Variants in ABCC1 observed in about 807,000 individuals in gnomAD.
ABCC1 encodes multidrug resistance-associated protein 1.
In ABCC1, 83 loss-of-function variants were observed where a neutral mutation model predicts 172.9. The ratio of observed to expected loss-of-function variants is 0.48; its 90% CI spans 0.40 to 0.58. The LOEUF (loss-of-function observed/expected upper bound fraction) is 0.58. Ranked by LOEUF, ABCC1 falls within the 20% of genes least tolerant of loss-of-function variation. The pLI, the probability that ABCC1 is intolerant of heterozygous loss-of-function variation, is 0.00. For synonymous variants in ABCC1, 937 were observed against 825.2 expected (o/e 1.14, Z -2.32); for missense variants, 1,817 against 2,002.7 (o/e 0.91, Z 1.77).
chr16:16,062,757 T>C (rs2049969641), intron 12 of ABCC1, among the ~76,000 whole-genome samples: 1 of 152,254 alleles, frequency 6.6e-6, no homozygotes, highest in South Asian at 2.1e-4. Context: ...TCAAAGACGA[T>C]GAGGTGTTTA....
At chr16:15,990,052 A>AT (rs1469624870) in intron 1 of ABCC1, among the ~76,000 whole-genome samples, 27 of 148,732 alleles carry the variant, frequency 1.8e-4, no homozygotes, top group African/African-American at 5.5e-4. Flanking sequence ...CCATTCAGCA[A>AT]TTTTTTTTTG....
intron 23 of ABCC1, among the ~76,000 whole-genome samples, chr16:16,115,855 TA>T (rs892854043): frequency 6.6e-6 from 1 of 151,942 alleles, no homozygotes; most frequent in African/African-American, 2.4e-5. Flanking sequence ...TTTAAAAATT[TA>T]AAAAATCTTA....
intron 20 of ABCC1, among the ~76,000 whole-genome samples, chr16:16,103,979 G>A (rs559967530): frequency 1.3e-4 from 20 of 152,188 alleles, no homozygotes; most frequent in Admixed American, 4.6e-4. Flanking sequence ...TCGTGGTCTC[G>A]CTGGCCTCAG....
chr16:16,048,039 A>T, intron 9 of ABCC1, 103 bp from the exon 10 acceptor site: 2 of 1,414,572 alleles, frequency 1.4e-6, no homozygotes, highest in South Asian at 2.6e-5. Context: ...GATCTGCGGC[A>T]TTTCTGCCCC....
rs1319994715 is a variant in ABCC1, at chr16:16,007,924, T to G, written c.157T>G (p.Tyr53Asp). ...CFYLWACFPF[Y>D]FLYLSRHDRG... ...TTACCTCTGGGCCTGTTTCCCCTTC[T>G]ACTTCCTCTATCTCTCCCGACATGA... is the stretch of plus-strand genomic sequence containing the variant. The change falls in exon 2 of 31, where the codon TAC becomes GAC. Residue 53 changes from tyrosine to aspartate, a missense_variant. Coordinates refer to ENST00000399410, the MANE Select transcript of ABCC1 (RefSeq NM_004996.4). 1.2e-6 allele frequency: 2 copies of G among 1,612,098 alleles called. No individual in the cohort carries two copies. Among genetic ancestry groups the G allele is most frequent in the South Asian group, 1.1e-5 (1 of 90,786 alleles).
chr16:16,036,854 C>T (rs1460322833), intron 7 of ABCC1, among the ~76,000 whole-genome samples: 1 of 152,128 alleles, frequency 6.6e-6, no homozygotes, highest in African/African-American at 2.4e-5. Flanking sequence ...GTGTCTAATC[C>T]CAGCACTTTG....
chr16:16,010,863 C>T (rs45610332), intron 3 of ABCC1, among the ~76,000 whole-genome samples: 1 of 152,104 alleles, frequency 6.6e-6, no homozygotes, highest in Non-Finnish European at 1.5e-5. Context: ...AGATGCCATG[C>T]TTTTAGCCCC....
intron 7 of ABCC1, among the ~76,000 whole-genome samples, chr16:16,042,374 T>C (rs1006209822): frequency 1.3e-5 from 2 of 152,046 alleles, no homozygotes; most frequent in African/African-American, 4.8e-5. Flanking sequence ...ACCAGTTATG[T>C]ACATCTGCAC....
chr16:16,100,598 C>G (rs2051689817), intron 19 of ABCC1, among the ~76,000 whole-genome samples: 1 of 152,130 alleles, frequency 6.6e-6, no homozygotes, highest in Admixed American at 6.6e-5. Context: ...TTAGTTTAGA[C>G]AAAACAAAAC....
At chr16:16,065,303 C>G (rs932045389) in intron 12 of ABCC1, among the ~76,000 whole-genome samples, 2 of 152,114 alleles carry the variant, frequency 1.3e-5, no homozygotes, top group Non-Finnish European at 2.9e-5. Flanking sequence ...CACTCTGTTA[C>G]CCAGGCTGGT....
At chr16:15,980,919 A>T (rs1033373327) in intron 1 of ABCC1, among the ~76,000 whole-genome samples, 5 of 152,216 alleles carry the variant, frequency 3.3e-5, no homozygotes, top group African/African-American at 1.2e-4. Flanking sequence ...TCCTAGATAC[A>T]ATAGGAGTAC....
chr16:15,972,266 G>A (rs778532898), intron 1 of ABCC1, among the ~76,000 whole-genome samples: 3 of 152,124 alleles, frequency 2.0e-5, no homozygotes, highest in Non-Finnish European at 4.4e-5. Flanking sequence ...TAGTCTTCAG[G>A]ATTTTGACAT....
chr16:16,104,977 C>G (rs7196296), intron 20 of ABCC1, among the ~76,000 whole-genome samples: 121,094 of 151,880 alleles, frequency 0.8, 48,462 homozygotes, highest in Non-Finnish European at 0.83. Flanking sequence ...CGCAAGCGCC[C>G]TGTGCAGCTC....
At chr16:16,091,719 C>T (rs1484627998) in intron 19 of ABCC1, among the ~76,000 whole-genome samples, 1 of 152,172 alleles carries the variant, frequency 6.6e-6, no homozygotes, top group African/African-American at 2.4e-5. Flanking sequence ...AAGAGGTCAG[C>T]ACAGTGATTG....
intron 24 of ABCC1, among the ~76,000 whole-genome samples, chr16:16,123,413 TCA>T (rs1378313919): frequency 1.3e-5 from 2 of 151,970 alleles, no homozygotes; most frequent in Non-Finnish European, 2.9e-5. Flanking sequence ...AGTGGGTGGA[TCA>T]CCTGAGGTCA....
At chr16:16,124,116 C>G (rs886990577) in intron 24 of ABCC1, among the ~76,000 whole-genome samples, 1 of 152,112 alleles carries the variant, frequency 6.6e-6, no homozygotes, top group Non-Finnish European at 1.5e-5. Context: ...GGCTTGGGAA[C>G]GTTACAATGA....
intron 20 of ABCC1, among the ~76,000 whole-genome samples, chr16:16,104,741 G>C (rs1056233239): frequency 1.3e-5 from 2 of 152,126 alleles, no homozygotes; most frequent in African/African-American, 4.8e-5. Flanking sequence ...CGGGAGGCTC[G>C]GGCCGCGCAG....
intron 1 of ABCC1, among the ~76,000 whole-genome samples, chr16:15,996,866 C>CT (rs2047073432): frequency 6.6e-6 from 1 of 152,130 alleles, no homozygotes; most frequent in African/African-American, 2.4e-5. Flanking sequence ...AGATCAATGC[C>CT]TAGTGCCTTA....
chr16:15,999,624 A>G (rs1045522344), intron 1 of ABCC1, among the ~76,000 whole-genome samples: 50 of 150,538 alleles, frequency 3.3e-4, no homozygotes, highest in Admixed American at 6.6e-5. Flanking sequence ...TCAAAAGAAA[A>G]AAAAAATAGA....
Sources: allele counts gnomAD v4.1 joint callset (sites outside exome capture counted in the v4.1 genomes callset), GRCh38; gene constraint gnomAD v4.1.1; transcripts MANE v1.5; gene names NCBI Gene and HGNC (gene_info 2026-07-23, HGNC 2026-07-21).